The following SULF1 variants were observed in gnomAD, a reference collection of about 807,000 sequenced individuals.
SULF1 encodes the protein sulfatase 1, also known as extracellular sulfatase Sulf-1.
In SULF1, 46 loss-of-function variants were observed where a neutral mutation model predicts 110.5. That is an observed-to-expected ratio of 0.42 (90% CI 0.33 to 0.53). The LOEUF (loss-of-function observed/expected upper bound fraction) is 0.53, where lower values mean the gene tolerates loss of function less well. Ranked by LOEUF, SULF1 falls within the 20% of genes least tolerant of loss-of-function variation. The pLI is 0.12. For missense variants in SULF1, 941 were observed against 1,094.2 expected (o/e 0.86, Z 1.98); for synonymous variants, 371 against 387.1 (o/e 0.96, Z 0.49).
At chr8:69,590,547 T>C (rs754580088) in intron 8 of SULF1, among the ~76,000 whole-genome samples, 1 of 152,210 alleles carries the variant, frequency 6.6e-6, no homozygotes, top group Non-Finnish European at 1.5e-5. Context: ...ATCTCTATGA[T>C]ATCATGTGAC....
At chr8:69,568,421 TATTACTCTGTAA>T (rs1218069311) in intron 5 of SULF1, among the ~76,000 whole-genome samples, 2 of 152,242 alleles carry the variant, frequency 1.3e-5, no homozygotes, top group Non-Finnish European at 2.9e-5. Context: ...ACAAATAAAC[TATTACTCTGTAA>T]AGGGAGTAAG....
chr8:69,638,425 G>T, intron 19 of SULF1, 77 bp from the exon 20 acceptor site: 2 of 1,497,164 alleles, frequency 1.3e-6, no homozygotes. Flanking sequence ...TAAAGATAAG[G>T]GAACACTGGA....
chr8:69,595,906 A>T (rs1807277849), intron 8 of SULF1, among the ~76,000 whole-genome samples: 1 of 152,226 alleles, frequency 6.6e-6, no homozygotes, highest in South Asian at 2.1e-4. Flanking sequence ...TGCTAGTAAG[A>T]ATTATTCTCC....
chr8:69,655,323 C>A (rs979516312), intron 22 of SULF1, among the ~76,000 whole-genome samples: 18 of 152,324 alleles, frequency 1.2e-4, no homozygotes, highest in African/African-American at 4.3e-4. Flanking sequence ...CCCATACCCA[C>A]TCATTTTATG....
At chr8:69,618,054 G>T in intron 13 of SULF1, among the ~76,000 whole-genome samples, 1 of 152,204 alleles carries the variant, frequency 6.6e-6, no homozygotes, top group East Asian at 1.9e-4. Flanking sequence ...GCAGTGGCCT[G>T]AACTCCAACT....
chr8:69,560,553 A>C (rs1815411148), intron 3 of SULF1, among the ~76,000 whole-genome samples: 1 of 151,912 alleles, frequency 6.6e-6, no homozygotes, highest in South Asian at 2.1e-4. Context: ...CTTCAAACTC[A>C]CTCTGTATGT....
intron 5 of SULF1, 118 bp from the exon 6 acceptor site, chr8:69,575,852 C>T (rs1805573549): frequency 7.7e-7 from 1 of 1,294,404 alleles, no homozygotes; most frequent in Non-Finnish European, 1.1e-6. Flanking sequence ...TTATAGACTC[C>T]TTTAAGCTAA....
chr8:69,630,981 G>C (rs76503029), intron 19 of SULF1, among the ~76,000 whole-genome samples: 2 of 150,462 alleles, frequency 1.3e-5, no homozygotes, highest in Non-Finnish European at 1.5e-5. Flanking sequence ...CCCCCACCCT[G>C]CAACAGTCCC....
At chr8:69,475,802 A>G (rs1809279915) in intron 1 of SULF1, among the ~76,000 whole-genome samples, 1 of 152,212 alleles carries the variant, frequency 6.6e-6, no homozygotes, top group South Asian at 2.1e-4. Flanking sequence ...TAATAATATA[A>G]TTTAAATAGA....
At position 69,601,156 on chromosome 8, in the gene SULF1, T is replaced by C. The variant is rs187195863; in HGVS notation, c.885+403T>C. Among the ~76,000 whole-genome samples the C allele has an allele frequency of 2.0e-5, 3 of 152,356 alleles. No homozygotes were observed. In the East Asian group the frequency reaches 5.8e-4, roughly 29 times the overall value. On this transcript the variant is annotated intron_variant, in intron 9 of 22. Coordinates refer to ENST00000402687, the MANE Select transcript of SULF1 (RefSeq NM_001128205.2). ...GAAATGTGGATCAAGTATCAGCAGG[T>C]CTTCTGACTTTTTTAAAGAAGCCAG...
At chr8:69,468,974 A>C (rs1056817828) in intron 1 of SULF1, among the ~76,000 whole-genome samples, 4 of 152,176 alleles carry the variant, frequency 2.6e-5, no homozygotes, top group Non-Finnish European at 5.9e-5. Context: ...CCCTGAAAAA[A>C]ACAATTGTAC....
chr8:69,638,460 C>A (rs772334941), intron 19 of SULF1, 42 bp from the exon 20 acceptor site: 1 of 1,596,448 alleles, frequency 6.3e-7, no homozygotes, highest in Non-Finnish European at 8.5e-7. Flanking sequence ...TAAGGTTTTT[C>A]ACTCTTTTTG....
At chr8:69,558,043 TG>T (rs1211973480) in intron 3 of SULF1, among the ~76,000 whole-genome samples, 5 of 152,206 alleles carry the variant, frequency 3.3e-5, no homozygotes, top group Admixed American at 6.5e-5. Flanking sequence ...ACTTGCCAGC[TG>T]TGGGGTTGTT....
chr8:69,615,837 C>T (rs1251239578), intron 13 of SULF1, among the ~76,000 whole-genome samples: 1 of 152,070 alleles, frequency 6.6e-6, no homozygotes, highest in African/African-American at 2.4e-5. Flanking sequence ...AAACTTCTGC[C>T]TACACCTTTG....
intron 1 of SULF1, among the ~76,000 whole-genome samples, chr8:69,493,974 GA>G (rs1389930810): frequency 4.5e-3 from 685 of 152,326 alleles, no homozygotes; most frequent in Non-Finnish European, 8.0e-3. Context: ...TAGCAACTCT[GA>G]CTTGCTATTT....
chr8:69,469,369 T>C (rs1474064943), intron 1 of SULF1: 1 of 152,200 alleles, frequency 6.6e-6, no homozygotes, highest in Non-Finnish European at 1.5e-5. Context: ...GTTGAGGAGA[T>C]CTGAAATGTG....
chr8:69,642,315 A>G, intron 22 of SULF1: 1 of 987,320 alleles, frequency 1.0e-6, no homozygotes, highest in Non-Finnish European at 1.2e-6. Context: ...TCATTAGTCC[A>G]CCAAGAAGCC....
chr8:69,621,992 A>G (rs575919491), intron 14 of SULF1, among the ~76,000 whole-genome samples: 1 of 152,372 alleles, frequency 6.6e-6, no homozygotes, highest in South Asian at 2.1e-4. Flanking sequence ...ATTAAATTCT[A>G]TGTCAAAGAT....
At chr8:69,548,614 A>ATTTTTTTTTT (rs3059933) in intron 3 of SULF1, among the ~76,000 whole-genome samples, 3 of 120,912 alleles carry the variant, frequency 2.5e-5, no homozygotes, top group African/African-American at 6.5e-5. Context: ...TGCCTCGCTG[A>ATTTTTTTTTT]TTTTTTTTTT....
Sources: gnomAD v4.1 joint callset for allele counts (sites outside exome capture counted in the v4.1 genomes callset) on GRCh38, gnomAD v4.1.1 for gene constraint, MANE v1.5 for transcripts, NCBI Gene and HGNC (gene_info 2026-07-23, HGNC 2026-07-21) for gene names.